PCGF6: variants seen among roughly 807,000 people sequenced by gnomAD.
The protein encoded by PCGF6 is polycomb group RING finger protein 6.
PCGF6 carries 24 observed loss-of-function variants against 45.5 expected under a neutral mutation model. That is an observed-to-expected ratio of 0.53 (90% CI 0.38 to 0.74). The LOEUF is 0.74. Ranked by LOEUF, PCGF6 falls within the 30% of genes least tolerant of loss-of-function variation. PCGF6 has a pLI of 0.00. For missense variants in PCGF6, 356 were observed against 443.2 expected, an observed-to-expected ratio of 0.80 and a Z score of 1.77; for synonymous variants, 152 against 162.1, an observed-to-expected ratio of 0.94 and a Z score of 0.47.
In PCGF6 at chr10:103,314,207, T is replaced by C. The variant is rs1425166748; in HGVS notation, c.975A>G (p.Ala325=). 4 of 1,604,872 alleles carry C rather than the reference T, an allele frequency of 2.5e-6. No homozygotes were observed. The African/African-American group carries it at 4.0e-5, about 16-fold the overall frequency. The stretch of plus-strand genomic sequence containing the variant: ...CTACCTGCATTGCTGCATCACCTAT[T>C]GCACGTCGGATTTCCCTTAGAGTTT... The part of the protein sequence containing the change: ...QYQTLREIRR[A]IGDAAMQDGL... The change falls in exon 9 of 10, where the codon GCA becomes GCG. Residue 325 remains alanine, a synonymous_variant. Transcript: ENST00000369847.
chr10:103,345,135 A>G lies in PCGF6; in HGVS notation c.674-3T>C, dbSNP rs2093294678. 1.3e-6 allele frequency: 2 copies of G among 1,575,130 alleles called. No individual in the cohort carries two copies. The highest frequency in any genetic ancestry group is 1.9e-5 in the Admixed American group (1 of 51,984). On this transcript the variant is annotated splice_region_variant and splice_polypyrimidine_tract_variant and intron_variant, in intron 5 of 9. Coordinates refer to ENST00000369847, the MANE Select transcript of PCGF6 (RefSeq NM_001011663.2). ...TGAAGGGACTGGCTGTGGAACAGCT[A>G]TTTAATAGTCAAACAAAAATGTTAA...
At chr10:103,344,273 C>CT (rs756711163) in intron 6 of PCGF6, among the ~76,000 whole-genome samples, 270 of 139,506 alleles carry the variant, frequency 1.9e-3, no homozygotes, top group Middle Eastern at 3.6e-3. Context: ...ATGACAAACA[C>CT]TTTTTTTTTT....
rs187267435 is a variant in PCGF6 at position 103,345,273 on chromosome 10, T to C, written c.674-141A>G. The C allele has an allele frequency of 4.4e-4, 279 of 636,372 alleles. 2 individuals are homozygous for C. Among genetic ancestry groups the C allele is most frequent in the East Asian group, 3.4e-3 (119 of 34,516 alleles). The allele number at this position is 636,372 out of a possible 1,614,324, so 39.4% of individuals were successfully genotyped here. A position where few individuals can be genotyped will look rare whatever the true frequency, so the allele number is the denominator to read the frequency against. On this transcript the variant is annotated intron_variant, in intron 5 of 9. Transcript: ENST00000369847. Reference sequence around the variant, plus strand: ...CTCAATCTCCCTGTCTTTAATGACATTGGCTAATCTGTCAAAGCCAGTGAA... The same window carrying C: ...CTCAATCTCCCTGTCTTTAATGACACTGGCTAATCTGTCAAAGCCAGTGAA...
intron 8 of PCGF6, among the ~76,000 whole-genome samples, 174 bp downstream of exon 8, chr10:103,326,360 G>A (rs1290457739): frequency 6.9e-6 from 1 of 145,202 alleles, no homozygotes; most frequent in African/African-American, 2.6e-5. Flanking sequence ...CTGCACTCCA[G>A]CCTGGGCGAC....
intron 7 of PCGF6, among the ~76,000 whole-genome samples, chr10:103,333,577 T>G (rs562882652): frequency 1.3e-5 from 2 of 152,140 alleles, no homozygotes; most frequent in African/African-American, 4.8e-5. Context: ...AAGTAACAAG[T>G]AGGGCAAAAT....
At chr10:103,312,919 C>T (rs991151881) in intron 9 of PCGF6, among the ~76,000 whole-genome samples, 1 of 152,140 alleles carries the variant, frequency 6.6e-6, no homozygotes, top group Admixed American at 6.6e-5. Flanking sequence ...CGAGATCACG[C>T]CACTGCACTC....
chr10:103,313,107 A>G (rs2093163255), intron 9 of PCGF6, among the ~76,000 whole-genome samples: 1 of 152,256 alleles, frequency 6.6e-6, no homozygotes, highest in African/African-American at 2.4e-5. Flanking sequence ...GAGACTTCAC[A>G]TTATATTCCC....
At chr10:103,329,797 T>G (rs1248835057) in intron 7 of PCGF6, among the ~76,000 whole-genome samples, 1 of 150,086 alleles carries the variant, frequency 6.7e-6, no homozygotes, top group Non-Finnish European at 1.5e-5. Context: ...TTGTTTGTTT[T>G]TGAGACAGTC....
At chr10:103,327,897 A>G (rs982261657) in intron 7 of PCGF6, among the ~76,000 whole-genome samples, 1 of 150,500 alleles carries the variant, frequency 6.6e-6, no homozygotes, top group Non-Finnish European at 1.5e-5. Flanking sequence ...GCATGGTCTC[A>G]ATCTCCTGAC....
intron 7 of PCGF6, among the ~76,000 whole-genome samples, chr10:103,328,274 G>A (rs2093226712): frequency 6.6e-6 from 1 of 152,160 alleles, no homozygotes; most frequent in Non-Finnish European, 1.5e-5. Context: ...GCACACATTT[G>A]TTCCATGTTA....
rs2093273037 is a variant in PCGF6 at position 103,339,812 on chromosome 10, CACACACA to C, written c.782+5205_782+5211del. Among the ~76,000 whole-genome samples the C allele has an allele frequency of 4.4e-4, 10 of 22,474 alleles. 1 individual carries two copies. The highest frequency in any genetic ancestry group is 7.2e-5 in the Non-Finnish European group (1 of 13,940). The allele number at this position is 22,474 out of a possible 152,430, so 14.7% of individuals were successfully genotyped here. On this transcript the variant is annotated intron_variant, in intron 6 of 9. Transcript: ENST00000369847. ...AATTCTGTCTGTCTCAAAAAAAAAA[CACACACA>C]CACACACACACACACACACACACAC...
intron 6 of PCGF6, among the ~76,000 whole-genome samples, chr10:103,340,194 A>T (rs1182872701): frequency 3.6e-3 from 381 of 106,388 alleles, no homozygotes; most frequent in African/African-American, 6.2e-3. Context: ...AAAAAAAAAA[A>T]AAAAATATAT....
intron 1 of PCGF6, 51 bp from the exon 2 acceptor site, chr10:103,349,050 A>T: frequency 1.3e-6 from 2 of 1,484,318 alleles, no homozygotes; most frequent in Non-Finnish European, 1.9e-6. Flanking sequence ...CCTTTTACAA[A>T]TTCTTTTTTT....
intron 6 of PCGF6, among the ~76,000 whole-genome samples, chr10:103,335,366 A>AT (rs774656906): frequency 2.9e-3 from 395 of 138,226 alleles, no homozygotes; most frequent in East Asian, 9.4e-3. Flanking sequence ...CAAAGCACTC[A>AT]TTTTTTTTTT....
In PCGF6 at chr10:103,343,970, T is replaced by C. The variant is rs185990799; in HGVS notation, c.782+1054A>G. Among the ~76,000 whole-genome samples the C allele has an allele frequency of 1.6e-3, 239 of 151,928 alleles. 2 individuals carry two copies. Among genetic ancestry groups the C allele is most frequent in the African/African-American group, 5.1e-3 (213 of 41,450 alleles). On this transcript the variant is annotated intron_variant, in intron 6 of 9. Transcript: ENST00000369847. ...CTCACATATACACAGGAGATACATATGAATTTGTTTACGGCAACATTGTTT... is the reference window on the plus strand; with the variant it reads ...CTCACATATACACAGGAGATACATACGAATTTGTTTACGGCAACATTGTTT...
chr10:103,340,199 ATAT>A (rs1211646529), intron 6 of PCGF6, among the ~76,000 whole-genome samples: 17,402 of 91,162 alleles, frequency 0.19, 1,479 homozygotes, highest in Non-Finnish European at 0.22. Context: ...AAAAAAAAAA[ATAT>A]ATATATATAT....
chr10:103,349,479 GTTTT>G (rs11450842), intron 1 of PCGF6, among the ~76,000 whole-genome samples: 1 of 108,144 alleles, frequency 9.2e-6, no homozygotes, highest in Non-Finnish European at 1.7e-5. Context: ...CTTTCTTTCC[GTTTT>G]TTTTTTTTTT....
intron 6 of PCGF6, among the ~76,000 whole-genome samples, chr10:103,344,324 T>G (rs2093291686): frequency 6.7e-6 from 1 of 149,756 alleles, no homozygotes; most frequent in Non-Finnish European, 1.5e-5. Flanking sequence ...CAGACTGGAG[T>G]GCGGTGGCAC....
chr10:103,311,774 A>G (rs915963994), intron 9 of PCGF6, among the ~76,000 whole-genome samples: 1 of 152,064 alleles, frequency 6.6e-6, no homozygotes, highest in Non-Finnish European at 1.5e-5. Flanking sequence ...GAGGGAGCAG[A>G]AACCTGGATT....
Sources: gnomAD v4.1 joint callset for allele counts (sites outside exome capture counted in the v4.1 genomes callset) on GRCh38, gnomAD v4.1.1 for gene constraint, MANE v1.5 for transcripts, NCBI Gene and HGNC (gene_info 2026-07-23, HGNC 2026-07-21) for gene names.